LRRC4C: variants seen among roughly 807,000 people sequenced by gnomAD.
LRRC4C encodes leucine rich repeat containing 4C, also known as leucine-rich repeat-containing protein 4C.
In LRRC4C, 5 loss-of-function variants were observed where a neutral mutation model predicts 33.6. The ratio of observed to expected loss-of-function variants is 0.15; its 90% confidence interval spans 0.08 to 0.31. LRRC4C has a LOEUF of 0.31. Ranked by LOEUF, LRRC4C falls within the 10% of genes least tolerant of loss-of-function variation. LRRC4C has a pLI of 1.00. For synonymous variants in LRRC4C, 329 were observed against 302.0 expected, an observed-to-expected ratio of 1.09 and a Z score of -0.93; for missense variants, 560 against 796.7, an observed-to-expected ratio of 0.70 and a Z score of 3.58.
chr11:41,086,888 C>CT (rs113404348), intron 1 of LRRC4C, among the ~76,000 whole-genome samples: 11,877 of 141,458 alleles, frequency 0.084, 577 homozygotes, highest in East Asian at 0.22. Context: ...AGATATGAGT[C>CT]TTTTTTTTTT....
chr11:41,007,964 T>C (rs1453810543), intron 1 of LRRC4C, among the ~76,000 whole-genome samples: 1 of 152,154 alleles, frequency 6.6e-6, no homozygotes, highest in Non-Finnish European at 1.5e-5. Context: ...CTCCATCTTA[T>C]TCTTTCATAT....
At chr11:41,115,446 G>A (rs1214488291) in intron 1 of LRRC4C, among the ~76,000 whole-genome samples, 1 of 151,110 alleles carries the variant, frequency 6.6e-6, no homozygotes, top group Non-Finnish European at 1.5e-5. Context: ...GTAAAATGGA[G>A]TCAACCAAAA....
At chr11:40,252,125 T>A (rs1464042717) in intron 4 of LRRC4C, among the ~76,000 whole-genome samples, 1 of 152,102 alleles carries the variant, frequency 6.6e-6, no homozygotes, top group Non-Finnish European at 1.5e-5. Flanking sequence ...TTAATGATAG[T>A]GGCAACATTA....
intron 3 of LRRC4C, among the ~76,000 whole-genome samples, chr11:40,393,442 C>T (rs570382795): frequency 1.1e-4 from 17 of 152,212 alleles, no homozygotes; most frequent in Middle Eastern, 3.4e-3. Context: ...TAAGAATGTA[C>T]TTTGTTTTGA....
intron 1 of LRRC4C, among the ~76,000 whole-genome samples, chr11:41,156,655 T>C (rs764425843): frequency 1.1e-4 from 16 of 151,942 alleles, no homozygotes; most frequent in Non-Finnish European, 2.2e-4. Flanking sequence ...TTATATTGTG[T>C]ATTAGAAGCT....
chr11:41,391,008 C>T (rs117746427), intron 1 of LRRC4C, among the ~76,000 whole-genome samples: 257 of 150,286 alleles, frequency 1.7e-3, no homozygotes, highest in Admixed American at 3.0e-3. Context: ...AGTGTCCTGC[C>T]TTGGGCCATA....
chr11:40,851,884 C>T (rs1362628086), intron 2 of LRRC4C, among the ~76,000 whole-genome samples: 3 of 152,222 alleles, frequency 2.0e-5, no homozygotes, highest in Non-Finnish European at 4.4e-5. Flanking sequence ...CACACTTGCC[C>T]TTCTCCTTCC....
chr11:40,877,078 C>A (rs999713863), intron 2 of LRRC4C, among the ~76,000 whole-genome samples: 1 of 151,894 alleles, frequency 6.6e-6, no homozygotes, highest in Non-Finnish European at 1.5e-5. Context: ...TGTACTTTAA[C>A]GAGGTTGATA....
At chr11:40,936,609 T>C (rs1345218393) in intron 1 of LRRC4C, among the ~76,000 whole-genome samples, 1 of 152,058 alleles carries the variant, frequency 6.6e-6, no homozygotes, top group Non-Finnish European at 1.5e-5. Flanking sequence ...GTGCTGGGAT[T>C]ACAGGTGTGA....
At chr11:40,257,825 G>A (rs746529497) in intron 4 of LRRC4C, among the ~76,000 whole-genome samples, 3 of 152,144 alleles carry the variant, frequency 2.0e-5, no homozygotes, top group East Asian at 3.9e-4. Context: ...ATGGAAAGAC[G>A]TTTGTTCTTG....
rs561047503 is a variant in LRRC4C at position 40,415,955 on chromosome 11, G to A, written c.-269-96234C>T. ...GAAATTATAACTCTTATTTTTGCAC[G>A]TGTTAAATGCTTTTATATTTGAAGT... is the stretch of plus-strand genomic sequence containing the variant. On this transcript the variant is annotated intron_variant, in intron 3 of 6. Transcript: ENST00000528697. Among the ~76,000 whole-genome samples the A allele has an allele frequency of 5.3e-5, 8 of 152,276 alleles. No individual in the cohort carries two copies. The East Asian group carries it at 5.8e-4, about 11-fold the overall frequency.
chr11:40,955,107 A>C (rs1958899306), intron 1 of LRRC4C, among the ~76,000 whole-genome samples: 1 of 151,856 alleles, frequency 6.6e-6, no homozygotes. Context: ...GTGAAGTTAT[A>C]TCAGAAGTTA....
At chr11:40,428,591 G>A (rs903468102) in intron 3 of LRRC4C, among the ~76,000 whole-genome samples, 2 of 152,136 alleles carry the variant, frequency 1.3e-5, no homozygotes, top group African/African-American at 2.4e-5. Context: ...TTGTAGAATT[G>A]AGAAACATAT....
At chr11:41,249,864 C>T (rs932129782) in intron 1 of LRRC4C, among the ~76,000 whole-genome samples, 5 of 152,090 alleles carry the variant, frequency 3.3e-5, no homozygotes, top group East Asian at 3.9e-4. Context: ...CTATCTTCCC[C>T]AACTAAATAT....
chr11:40,836,106 A>G (rs1952657621), intron 2 of LRRC4C, among the ~76,000 whole-genome samples: 1 of 152,228 alleles, frequency 6.6e-6, no homozygotes. Flanking sequence ...TAGCACACTT[A>G]AAAATCCAGA....
At chr11:40,996,438 A>G (rs1278070810) in intron 1 of LRRC4C, among the ~76,000 whole-genome samples, 1 of 152,162 alleles carries the variant, frequency 6.6e-6, no homozygotes, top group African/African-American at 2.4e-5. Context: ...CTGTAGGCAA[A>G]TATCAAGGAG....
intron 1 of LRRC4C, among the ~76,000 whole-genome samples, chr11:41,050,540 G>A (rs921022302): frequency 6.6e-6 from 1 of 152,136 alleles, no homozygotes; most frequent in Non-Finnish European, 1.5e-5. Flanking sequence ...AGAACACGTG[G>A]TGTTTGGTTT....
chr11:40,584,667 C>G (rs1207320560), intron 3 of LRRC4C, among the ~76,000 whole-genome samples: 2 of 152,094 alleles, frequency 1.3e-5, no homozygotes, highest in African/African-American at 4.8e-5. Context: ...CGCAGTGGCT[C>G]ATGCCTGTAA....
chr11:40,222,821 G>A (rs1283837052), intron 5 of LRRC4C, among the ~76,000 whole-genome samples: 1 of 152,100 alleles, frequency 6.6e-6, no homozygotes, highest in African/African-American at 2.4e-5. Context: ...CATTTAGTGG[G>A]GGAAGATCAA....
Sources: gnomAD v4.1 joint callset for allele counts (sites outside exome capture counted in the v4.1 genomes callset) on GRCh38, gnomAD v4.1.1 for gene constraint, MANE v1.5 for transcripts, NCBI Gene and HGNC (gene_info 2026-07-23, HGNC 2026-07-21) for gene names.